Variants in TRPM1 observed in about 807,000 individuals in gnomAD.
The protein encoded by TRPM1 is TRPM1-203 APA Isoform, Intron 10.
A neutral mutation model predicts 149.4 loss-of-function variants in TRPM1; 113 were observed. The ratio of observed to expected loss-of-function variants is 0.76; its 90% CI spans 0.65 to 0.88. The LOEUF (loss-of-function observed/expected upper bound fraction) is 0.88, where lower values mean the gene tolerates loss of function less well. Among genes scored for constraint, TRPM1 ranks in the 40% least tolerant of loss-of-function variants. The probability of loss-of-function intolerance (pLI) is 0.00; values close to 1 mark genes in which losing one functional copy is unlikely to be tolerated. For synonymous variants in TRPM1, 741 were observed against 759.5 expected (o/e 0.98, Z 0.40); for missense variants, 1,976 against 2,038.7 (o/e 0.97, Z 0.59).
chr15:31,128,222 A>T (rs1202906583), intron 1 of TRPM1, among the ~76,000 whole-genome samples: 11 of 152,202 alleles, frequency 7.2e-5, no homozygotes, highest in Admixed American at 1.3e-4. Flanking sequence ...CAATATTTAC[A>T]GTATTCAACA....
chr15:31,046,464 A>G (rs1017865258), intron 15 of TRPM1, among the ~76,000 whole-genome samples: 5 of 152,254 alleles, frequency 3.3e-5, no homozygotes, highest in African/African-American at 1.2e-4. Context: ...CCCTTATTCC[A>G]GGTAGAAACC....
chr15:31,007,315 ATCTACTCCCGGAC>A (rs1299907144), intron 27 of TRPM1, among the ~76,000 whole-genome samples: 1 of 152,128 alleles, frequency 6.6e-6, no homozygotes, highest in African/African-American at 2.4e-5. Flanking sequence ...ATTTGGGTAG[ATCTACTCCCGGAC>A]TCTTTATTCT....
At chr15:31,115,566 G>A (rs968833767) in intron 1 of TRPM1, among the ~76,000 whole-genome samples, 1 of 152,108 alleles carries the variant, frequency 6.6e-6, no homozygotes, top group African/African-American at 2.4e-5. Flanking sequence ...TAGCTTAGAT[G>A]GTAAAGGTTC....
chr15:31,113,770 T>C (rs926714489), intron 1 of TRPM1, among the ~76,000 whole-genome samples: 2 of 152,192 alleles, frequency 1.3e-5, no homozygotes, highest in Admixed American at 6.5e-5. Flanking sequence ...CCGGTGAGTG[T>C]TACAGCTCTT....
chr15:31,046,443 C>T lies in TRPM1; in HGVS notation c.1765-210G>A, dbSNP rs142972884. ...GAAGTTAATTGAGAAGAAAGCTCAG[C>T]AGACGCGTGGCCCTTATTCCAGGTA... On this transcript the variant is annotated intron_variant, in intron 15 of 27. Transcript: ENST00000256552. Among the ~76,000 whole-genome samples the T allele has an allele frequency of 4.5e-3, 691 of 152,284 alleles. 3 individuals are homozygous for T. The highest frequency in any genetic ancestry group is 6.8e-3 in the Non-Finnish European group (460 of 68,014).
chr15:31,083,763 T>A (rs1005441498), intron 1 of TRPM1, among the ~76,000 whole-genome samples: 8 of 152,144 alleles, frequency 5.3e-5, no homozygotes, highest in Non-Finnish European at 1.0e-4. Flanking sequence ...TCAGGGATAC[T>A]CTCAGGTCAG....
At chr15:31,025,638 C>T (rs1159896110) in intron 27 of TRPM1, among the ~76,000 whole-genome samples, 1 of 152,160 alleles carries the variant, frequency 6.6e-6, no homozygotes, top group African/African-American at 2.4e-5. Context: ...ACCTCACCCC[C>T]CACCCTGCAC....
At chr15:31,038,634 C>T (rs767096391) in intron 18 of TRPM1, among the ~76,000 whole-genome samples, 3 of 152,176 alleles carry the variant, frequency 2.0e-5, no homozygotes, top group Non-Finnish European at 4.4e-5. Flanking sequence ...ATCACTTGAA[C>T]CCAGGAGGCG....
intron 11 of TRPM1, among the ~76,000 whole-genome samples, chr15:31,059,550 C>T (rs1399958663): frequency 6.6e-6 from 1 of 152,082 alleles, no homozygotes; most frequent in Non-Finnish European, 1.5e-5. Context: ...GGACTATAGG[C>T]ATGCACTCCC....
intron 1 of TRPM1, among the ~76,000 whole-genome samples, chr15:31,139,345 A>G (rs1406180004): frequency 6.6e-6 from 1 of 152,208 alleles, no homozygotes; most frequent in Admixed American, 6.5e-5. Flanking sequence ...TGCCTAGATA[A>G]CAACTGTTTA....
chr15:31,103,670 G>A (rs1235434028), upstream of TRPM1, among the ~76,000 whole-genome samples: 1 of 151,688 alleles, frequency 6.6e-6, no homozygotes, highest in African/African-American at 2.4e-5. Context: ...AAAAATAACC[G>A]GCCATGGTGG....
chr15:31,154,683 G>A (rs1182159676), intron 1 of TRPM1, among the ~76,000 whole-genome samples: 2 of 152,118 alleles, frequency 1.3e-5, no homozygotes, highest in Non-Finnish European at 2.9e-5. Context: ...TAGAAATTAC[G>A]GTTTAGGAGT....
chr15:31,132,272 AT>A (rs2036026470), intron 1 of TRPM1, among the ~76,000 whole-genome samples: 1 of 152,226 alleles, frequency 6.6e-6, no homozygotes, highest in South Asian at 2.1e-4. Context: ...AGGGGCCTCC[AT>A]CCCCCCGAGG....
chr15:31,113,310 T>C (rs955369801), intron 1 of TRPM1, among the ~76,000 whole-genome samples: 3 of 152,186 alleles, frequency 2.0e-5, no homozygotes, highest in African/African-American at 4.8e-5. Context: ...GGAAGAGTGC[T>C]GCCTCTGAGC....
chr15:31,095,429 A>G (rs148618548), intron 1 of TRPM1, among the ~76,000 whole-genome samples: 2,142 of 152,326 alleles, frequency 0.014, 62 homozygotes, highest in African/African-American at 0.049. Context: ...TCATGTCTGT[A>G]ATCCCAGCAC....
At chr15:31,095,663 C>T (rs887163278) in intron 1 of TRPM1, among the ~76,000 whole-genome samples, 16 of 151,076 alleles carry the variant, frequency 1.1e-4, no homozygotes, top group Middle Eastern at 3.4e-3. Context: ...CCAGCCTGGG[C>T]GACAGAGTGA....
chr15:31,145,421 A>G (rs1251205113), intron 1 of TRPM1, among the ~76,000 whole-genome samples: 4 of 152,116 alleles, frequency 2.6e-5, no homozygotes, highest in African/African-American at 7.2e-5. Context: ...GAATTTCACA[A>G]TCCGTATCTT....
At chr15:31,048,969 G>A (rs752891538) in intron 13 of TRPM1, among the ~76,000 whole-genome samples, 1 of 152,160 alleles carries the variant, frequency 6.6e-6, no homozygotes, top group African/African-American at 2.4e-5. Context: ...TTCCAGCAGA[G>A]CTCCTGGGTG....
At chr15:31,078,630 A>C (rs2034776055) in intron 2 of TRPM1, among the ~76,000 whole-genome samples, 1 of 152,186 alleles carries the variant, frequency 6.6e-6, no homozygotes, top group African/African-American at 2.4e-5. Context: ...GGGGAGAAAG[A>C]AAGCATGGAG....
Sources: allele counts gnomAD v4.1 joint callset (sites outside exome capture counted in the v4.1 genomes callset), GRCh38; gene constraint gnomAD v4.1.1; transcripts MANE v1.5; gene names NCBI Gene and HGNC (gene_info 2026-07-23, HGNC 2026-07-21).